Variants in RBFOX3 observed in about 807,000 individuals in gnomAD.
RBFOX3 encodes RNA binding protein fox-1 homolog 3.
Under a neutral mutation model 48.7 loss-of-function variants are expected in RBFOX3, and 17 were observed. The observed-to-expected ratio is 0.35, with a 90% CI of 0.24 to 0.52. RBFOX3 has a LOEUF of 0.52. RBFOX3 is among the 20% of genes least tolerant of loss of function. The pLI, the probability that RBFOX3 is intolerant of heterozygous loss-of-function variation, is 0.94. For missense variants in RBFOX3, 382 were observed against 497.5 expected (o/e 0.77, Z 2.21); for synonymous variants, 212 against 209.5 (o/e 1.01, Z -0.10).
rs1232673040 is a variant in RBFOX3, at chr17:79,222,167, GCAGCCTGATT to G, written c.-34+13589_-34+13598del. 2.6e-5 allele frequency among the ~76,000 whole-genome samples: 4 copies of G among 151,832 alleles called. No homozygotes were observed. In the South Asian group the frequency reaches 6.2e-4, roughly 24 times the overall value. On this transcript the variant is annotated intron_variant, in intron 4 of 14. Coordinates refer to ENST00000693108, the MANE Select transcript of RBFOX3 (RefSeq NM_001350451.2). ...TCTACCTGCTGCCTGATTTCTACCTGCAGCCTGATTTCTACCTGCAGCCTGATTTCTACCG... is the reference window on the plus strand; with the variant it reads ...TCTACCTGCTGCCTGATTTCTACCTGTCTACCTGCAGCCTGATTTCTACCG...
rs1382442097 is a variant in RBFOX3, at chr17:79,392,104, A to G, written c.-174-84280T>C. On this transcript the variant is annotated intron_variant, in intron 2 of 14. Coordinates refer to ENST00000693108, the MANE Select transcript of RBFOX3 (RefSeq NM_001350451.2). The surrounding 1 kb of genome is among the most constrained non-coding windows in gnomAD (Gnocchi z 5.0). ...CGGACCCGCTGCGGGACCTTGGGCA[A>G]ACTCTTTTAGCCTCAGCACCTTCCT... is the stretch of plus-strand genomic sequence containing the variant. 6.6e-6 allele frequency among the ~76,000 whole-genome samples: 1 copy of G among 152,136 alleles called. No homozygotes were observed. The highest frequency in any genetic ancestry group is 1.9e-4 in the East Asian group (1 of 5,192).
At chr17:79,505,063 C>T (rs1394642813) in intron 1 of RBFOX3, among the ~76,000 whole-genome samples, 1 of 152,120 alleles carries the variant, frequency 6.6e-6, no homozygotes, top group African/African-American at 2.4e-5. Context: ...TGAGCATCCC[C>T]AAAGCTCAGG....
intron 2 of RBFOX3, among the ~76,000 whole-genome samples, chr17:79,360,828 T>TC (rs2086195206): frequency 2.0e-5 from 1 of 50,354 alleles, no homozygotes; most frequent in Non-Finnish European, 4.3e-5. Flanking sequence ...TCAAATTCCT[T>TC]TTTTTTTTTT....
intron 2 of RBFOX3, among the ~76,000 whole-genome samples, chr17:79,403,208 C>T (rs542173158): frequency 3.7e-4 from 57 of 152,278 alleles, no homozygotes; most frequent in African/African-American, 1.3e-3. Context: ...ACCCTCCCCA[C>T]CACCCTGTAT....
chr17:79,225,246 C>G (rs1322004542), intron 4 of RBFOX3, among the ~76,000 whole-genome samples: 2 of 151,744 alleles, frequency 1.3e-5, no homozygotes, highest in Admixed American at 1.3e-4. Context: ...GGGCATCTCT[C>G]GCTGGCCAGT....
chr17:79,509,050 G>A (rs2083651240), intron 1 of RBFOX3, among the ~76,000 whole-genome samples: 1 of 152,210 alleles, frequency 6.6e-6, no homozygotes. Context: ...TCAGAGCCCA[G>A]GGCAGGCAGA....
At chr17:79,541,278 T>C (rs2089656723) in intron 1 of RBFOX3, among the ~76,000 whole-genome samples, 1 of 152,206 alleles carries the variant, frequency 6.6e-6, no homozygotes, top group South Asian at 2.1e-4. Flanking sequence ...AATTTCATTA[T>C]GTGCCCATGA....
intron 1 of RBFOX3, among the ~76,000 whole-genome samples, chr17:79,579,036 A>G (rs2092955803): frequency 6.6e-6 from 1 of 152,146 alleles, no homozygotes; most frequent in Non-Finnish European, 1.5e-5. Context: ...TGCTTGGTCC[A>G]TCTCCCATGC....
intron 4 of RBFOX3, among the ~76,000 whole-genome samples, chr17:79,187,113 C>T (rs1303009066): frequency 2.0e-5 from 3 of 152,322 alleles, no homozygotes; most frequent in Non-Finnish European, 2.9e-5. Flanking sequence ...CCAAGGTGGC[C>T]TGTGTTTTTA....
In RBFOX3 at chr17:79,228,412, T is replaced by C. The variant is rs533476383; in HGVS notation, c.-34+7354A>G. ...AAGCCTCCTCTCCAGCTGTAATTAATACTCTGGGGAAAACACAGACTTGGG... is the reference window on the plus strand; with the variant it reads ...AAGCCTCCTCTCCAGCTGTAATTAACACTCTGGGGAAAACACAGACTTGGG... On this transcript the variant is annotated intron_variant, in intron 4 of 14. Transcript: ENST00000693108. 3.3e-5 allele frequency among the ~76,000 whole-genome samples: 5 copies of C among 152,308 alleles called. No homozygotes were observed. The South Asian group carries it at 1.0e-3, about 32-fold the overall frequency.
At chr17:79,438,758 G>A (rs12452149) in intron 2 of RBFOX3, among the ~76,000 whole-genome samples, 28,510 of 152,218 alleles carry the variant, frequency 0.19, 2,743 homozygotes, top group Admixed American at 0.22. Flanking sequence ...TTGGCTTCTC[G>A]GCCATGACCA....
intron 4 of RBFOX3, among the ~76,000 whole-genome samples, chr17:79,224,345 T>C (rs2060079706): frequency 6.6e-6 from 1 of 152,190 alleles, no homozygotes; most frequent in African/African-American, 2.4e-5. Flanking sequence ...AGTTCCGCCA[T>C]CTGAGGCCAC....
intron 4 of RBFOX3, among the ~76,000 whole-genome samples, chr17:79,189,009 C>G (rs2053964805): frequency 6.6e-6 from 1 of 152,254 alleles, no homozygotes; most frequent in Non-Finnish European, 1.5e-5. Context: ...CAGAATCCCA[C>G]AGAAGCCAAA....
chr17:79,627,677 A>C, the RBFOX3 span, among the ~76,000 whole-genome samples: 4 of 152,182 alleles, frequency 2.6e-5, no homozygotes, highest in East Asian at 7.7e-4. Context: ...GCAGCGGCGT[A>C]GGTGGCTGGG....
intron 1 of RBFOX3, among the ~76,000 whole-genome samples, chr17:79,491,975 G>A (rs904177075): frequency 2.6e-5 from 4 of 152,112 alleles, no homozygotes; most frequent in South Asian, 4.2e-4. Flanking sequence ...CCAGCTACTC[G>A]AGAGGCAGGA....
the RBFOX3 span, among the ~76,000 whole-genome samples, chr17:79,624,387 G>T: frequency 6.6e-6 from 1 of 152,060 alleles, no homozygotes; most frequent in African/African-American, 2.4e-5. Flanking sequence ...AGGGAGGGAG[G>T]CAGCCCTCAC....
At chr17:79,388,045 T>C (rs1205282922) in intron 2 of RBFOX3, among the ~76,000 whole-genome samples, 1 of 140,514 alleles carries the variant, frequency 7.1e-6, no homozygotes, top group Non-Finnish European at 1.6e-5. Flanking sequence ...CTTGTGTGCA[T>C]GTACATGTGT....
intron 2 of RBFOX3, among the ~76,000 whole-genome samples, chr17:79,415,711 C>T (rs183162625): frequency 1.1e-4 from 17 of 152,284 alleles, no homozygotes; most frequent in African/African-American, 3.1e-4. Context: ...GGGGCTGGGG[C>T]GGAGTCGGCT....
intron 3 of RBFOX3, among the ~76,000 whole-genome samples, chr17:79,248,175 G>A (rs1388025800): frequency 6.6e-6 from 1 of 152,194 alleles, no homozygotes; most frequent in African/African-American, 2.4e-5. Flanking sequence ...CAAACCCCAA[G>A]AAGACTTCTG....
Sources: allele counts gnomAD v4.1 joint callset (sites outside exome capture counted in the v4.1 genomes callset), GRCh38; gene constraint gnomAD v4.1.1; non-coding constraint Gnocchi (gnomAD v3.1); transcripts MANE v1.5; gene names NCBI Gene and HGNC (gene_info 2026-07-23, HGNC 2026-07-21).